Variants in GARIN1B observed in about 807,000 individuals in gnomAD.
The protein encoded by GARIN1B is golgi associated RAB2 interactor 1B.
chr7:128,717,946 T>C, the GARIN1B span, among the ~76,000 whole-genome samples: 1 of 152,150 alleles, frequency 6.6e-6, no homozygotes, highest in East Asian at 1.9e-4. Context: ...CATTTCTCCA[T>C]GCTACCTCAG....
chr7:128,727,203 G>A, the GARIN1B span, among the ~76,000 whole-genome samples: 1 of 152,182 alleles, frequency 6.6e-6, no homozygotes, highest in African/African-American at 2.4e-5. Context: ...ACCACGCACT[G>A]AGTGCCAGTT....
chr7:128,717,971 A>G, the GARIN1B span, among the ~76,000 whole-genome samples: 7 of 152,026 alleles, frequency 4.6e-5, no homozygotes, highest in Non-Finnish European at 7.4e-5. Flanking sequence ...ACACCTCTCC[A>G]TGATGTTCTT....
At chr7:128,723,307 G>T in the GARIN1B span, 1 of 1,612,280 alleles carries the variant, frequency 6.2e-7, no homozygotes, top group South Asian at 1.1e-5. Context: ...TACACCAGCA[G>T]AACCAGTTGA....
the GARIN1B span, chr7:128,724,787 G>C: frequency 2.2e-5 from 28 of 1,289,668 alleles, no homozygotes; most frequent in African/African-American, 3.6e-4. Flanking sequence ...TGGACCAGCA[G>C]TTCAGAGGCA....
the GARIN1B span, chr7:128,723,178 G>T: frequency 6.3e-7 from 1 of 1,594,838 alleles, no homozygotes; most frequent in South Asian, 1.1e-5. Flanking sequence ...ACCTGGTTCT[G>T]CTTTTTTTCT....
chr7:128,721,052 G>A, the GARIN1B span, among the ~76,000 whole-genome samples: 1 of 152,024 alleles, frequency 6.6e-6, no homozygotes. Context: ...TCACTTTGGG[G>A]AGAAGTGCCA....
the GARIN1B span, among the ~76,000 whole-genome samples, chr7:128,710,877 C>T: frequency 2.0e-5 from 3 of 151,862 alleles, no homozygotes; most frequent in Admixed American, 1.3e-4. Flanking sequence ...AGGCTGGTCT[C>T]GAACTCCCAA....
the GARIN1B span, among the ~76,000 whole-genome samples, chr7:128,727,943 TG>T: frequency 6.6e-6 from 1 of 152,234 alleles, no homozygotes; most frequent in Non-Finnish European, 1.5e-5. Flanking sequence ...ATCCACAGCA[TG>T]AAGCAGAGGC....
At chr7:128,723,255 C>T in the GARIN1B span, 3 of 1,613,164 alleles carry the variant, frequency 1.9e-6, no homozygotes, top group Non-Finnish European at 8.5e-7. Flanking sequence ...CAGCTAATGA[C>T]CAAGGGGGAG....
At chr7:128,726,273 G>A in the GARIN1B span, among the ~76,000 whole-genome samples, 3 of 152,232 alleles carry the variant, frequency 2.0e-5, no homozygotes. Context: ...GTGGAAAAAC[G>A]AGCTAGGGAG....
the GARIN1B span, among the ~76,000 whole-genome samples, chr7:128,715,012 G>A: frequency 6.6e-6 from 1 of 152,228 alleles, no homozygotes; most frequent in South Asian, 2.1e-4. Context: ...AGCTTAGGAA[G>A]ATGGGGTTTT....
chr7:128,716,717 C>G, the GARIN1B span: 491 of 1,054,420 alleles, frequency 4.7e-4, no homozygotes, highest in African/African-American at 7.5e-3. Flanking sequence ...ATATCCAACC[C>G]AAAACATTAA....
the GARIN1B span, among the ~76,000 whole-genome samples, chr7:128,721,273 C>T: frequency 6.6e-6 from 1 of 152,070 alleles, no homozygotes; most frequent in Non-Finnish European, 1.5e-5. Context: ...ACATGCTTGG[C>T]CTATTTTGTA....
chr7:128,723,527 C>T, the GARIN1B span: 8 of 328,746 alleles, frequency 2.4e-5, no homozygotes, highest in African/African-American at 1.5e-4. Context: ...AGCCTGGCCT[C>T]GATATACTGC....
the GARIN1B span, among the ~76,000 whole-genome samples, chr7:128,716,492 T>G: frequency 3.9e-5 from 6 of 152,206 alleles, no homozygotes; most frequent in African/African-American, 1.2e-4. Context: ...GTGGTTGAAA[T>G]ATTGTTTAAA....
the GARIN1B span, chr7:128,731,360 GC>G: frequency 6.9e-6 from 4 of 578,322 alleles, no homozygotes; most frequent in South Asian, 8.8e-5. Context: ...TCTCAGAATG[GC>G]CGGGCCCAAG....
chr7:128,724,416 A>C, the GARIN1B span, among the ~76,000 whole-genome samples: 1 of 152,082 alleles, frequency 6.6e-6, no homozygotes, highest in African/African-American at 2.4e-5. Context: ...TACTCACCCA[A>C]GGTCTCTGCT....
the GARIN1B span, among the ~76,000 whole-genome samples, chr7:128,726,604 T>C: frequency 6.7e-6 from 1 of 149,720 alleles, no homozygotes; most frequent in African/African-American, 2.5e-5. Context: ...TGGGCTCTGC[T>C]CCCCACCTCC....
At chr7:128,719,697 CTTTTTTTTT>C in the GARIN1B span, among the ~76,000 whole-genome samples, 1 of 99,022 alleles carries the variant, frequency 1.0e-5, no homozygotes, top group Admixed American at 1.1e-4. Context: ...TTTTGTTTTG[CTTTTTTTTT>C]TTTTTTTTTT....
Sources: allele counts gnomAD v4.1 joint callset (sites outside exome capture counted in the v4.1 genomes callset), GRCh38; gene constraint gnomAD v4.1.1; transcripts MANE v1.5; gene names NCBI Gene and HGNC (gene_info 2026-07-23, HGNC 2026-07-21).